Variants in ATF7IP observed in about 807,000 individuals in gnomAD.
ATF7IP encodes activating transcription factor 7 interacting protein.
Under a neutral mutation model 106.4 loss-of-function variants are expected in ATF7IP, and 23 were observed. The ratio of observed to expected loss-of-function variants is 0.22; its 90% CI spans 0.16 to 0.31. The LOEUF is 0.31. Among genes scored for constraint, ATF7IP ranks in the 10% least tolerant of loss-of-function variants. The pLI is 1.00. For missense variants in ATF7IP, 1,334 were observed against 1,524.3 expected, an observed-to-expected ratio of 0.88 and a Z score of 2.08; for synonymous variants, 542 against 539.0, an observed-to-expected ratio of 1.01 and a Z score of -0.08.
At chr12:14,435,352 A>G (rs1942356887) in intron 3 of ATF7IP, among the ~76,000 whole-genome samples, 1 of 152,178 alleles carries the variant, frequency 6.6e-6, no homozygotes, top group Non-Finnish European at 1.5e-5. Flanking sequence ...GAGTGGATTT[A>G]CAAGTAGGCA....
chr12:14,455,816 A>G (rs1361120934), intron 6 of ATF7IP, among the ~76,000 whole-genome samples: 1 of 151,910 alleles, frequency 6.6e-6, no homozygotes, highest in African/African-American at 2.4e-5. Context: ...GTAACTCCTG[A>G]GCTCAAGCAA....
chr12:14,370,227 C>T (rs1938478521), intron 1 of ATF7IP, among the ~76,000 whole-genome samples: 3 of 152,212 alleles, frequency 2.0e-5, no homozygotes, highest in South Asian at 2.1e-4. Context: ...TGAGCCACTG[C>T]GCCTGGCCTC....
Position 14,423,975 on chromosome 12 carries a change from G to C in ATF7IP, c.60G>C (p.Val20=). The stretch of plus-strand genomic sequence containing the variant: ...TTAAGGCTCGAAAAACGATGAGAGT[G>C]AGTGATCGTCAGCAACTTGAAGCAG... ...KVFKARKTMR[V]SDRQQLEAVY... is the part of the protein sequence containing the mutation. The change falls in exon 2 of 15, where the codon GTG becomes GTC. Residue 20 remains valine (V), a synonymous_variant. Coordinates refer to ENST00000261168, the MANE Select transcript of ATF7IP (RefSeq NM_018179.5). The C allele has an allele frequency of 6.2e-7, 1 of 1,614,028 alleles. No homozygotes were observed. Among genetic ancestry groups the C allele is most frequent in the South Asian group, 1.1e-5 (1 of 91,046 alleles).
chr12:14,407,609 G>C (rs1298712815), intron 1 of ATF7IP, among the ~76,000 whole-genome samples: 1 of 152,086 alleles, frequency 6.6e-6, no homozygotes, highest in Non-Finnish European at 1.5e-5. Flanking sequence ...TCTGGGTAAA[G>C]GAGTAAGAAA....
intron 1 of ATF7IP, among the ~76,000 whole-genome samples, chr12:14,384,856 A>G (rs1591766870): frequency 7.9e-6 from 1 of 127,376 alleles, no homozygotes; most frequent in East Asian, 2.4e-4. Flanking sequence ...TCTTTTCATG[A>G]TAAAACTATA....
chr12:14,412,035 A>G (rs984789924), intron 1 of ATF7IP, among the ~76,000 whole-genome samples: 3 of 152,162 alleles, frequency 2.0e-5, no homozygotes, highest in African/African-American at 7.2e-5. Context: ...TCTTTGTTCA[A>G]AATACTATTC....
chr12:14,463,945 G>A (rs1379175408), intron 9 of ATF7IP, among the ~76,000 whole-genome samples: 1 of 152,102 alleles, frequency 6.6e-6, no homozygotes, highest in African/African-American at 2.4e-5. Context: ...AACAGATTTG[G>A]GGGAAAGTTA....
chr12:14,427,061 A>G (rs1941891615), intron 2 of ATF7IP, among the ~76,000 whole-genome samples: 1 of 152,054 alleles, frequency 6.6e-6, no homozygotes. Flanking sequence ...TTATTAGAGC[A>G]CCAGATGTAT....
chr12:14,401,809 G>C (rs1169494421), intron 1 of ATF7IP, among the ~76,000 whole-genome samples: 1 of 148,442 alleles, frequency 6.7e-6, no homozygotes, highest in Non-Finnish European at 1.5e-5. Context: ...CACCTCCTGG[G>C]TTCAAGCAGT....
chr12:14,452,666 T>C (rs940428257), intron 6 of ATF7IP, among the ~76,000 whole-genome samples: 2 of 152,338 alleles, frequency 1.3e-5, no homozygotes, highest in Middle Eastern at 6.8e-3. Flanking sequence ...TCACATCTTT[T>C]TATGTTGTGT....
At chr12:14,367,061 C>G (rs1420802219) in intron 1 of ATF7IP, among the ~76,000 whole-genome samples, 1 of 152,078 alleles carries the variant, frequency 6.6e-6, no homozygotes, top group Non-Finnish European at 1.5e-5. Flanking sequence ...ATGATTCTCC[C>G]GTTGTGCAAA....
At chr12:14,471,910 TACCTGTGTG>T (rs890769980) in intron 10 of ATF7IP, among the ~76,000 whole-genome samples, 6 of 152,210 alleles carry the variant, frequency 3.9e-5, no homozygotes, top group Non-Finnish European at 1.5e-5. Flanking sequence ...TTTTCTAAGT[TACCTGTGTG>T]TATAGAGTTT....
At chr12:14,476,648 C>G (rs900687189) in intron 11 of ATF7IP, among the ~76,000 whole-genome samples, 2 of 152,000 alleles carry the variant, frequency 1.3e-5, no homozygotes, top group Non-Finnish European at 2.9e-5. Context: ...GGAGTAAAAT[C>G]CAGCTCTTCT....
intron 1 of ATF7IP, among the ~76,000 whole-genome samples, chr12:14,370,109 G>C (rs1004953552): frequency 1.3e-5 from 2 of 152,022 alleles, no homozygotes; most frequent in Non-Finnish European, 2.9e-5. Context: ...GGCTAATTTT[G>C]TATTTTTAGT....
rs139542725 is a variant in ATF7IP, at chr12:14,501,394, T to C, written c.*3321T>C. 1.9e-4 allele frequency: 29 copies of C among 152,352 alleles called. No individual in the cohort carries two copies. The highest frequency in any genetic ancestry group is 5.2e-4 in the Admixed American group (8 of 15,300). 9.4% of individuals were successfully genotyped at this position (152,352 alleles called of 1,614,324 possible). A position where few individuals can be genotyped will look rare whatever the true frequency, so the allele number is the denominator to read the frequency against. On this transcript the variant is annotated 3_prime_UTR_variant, in exon 15 of 15. Coordinates refer to ENST00000261168, the MANE Select transcript of ATF7IP (RefSeq NM_018179.5). ...GGTAATGGTGATGTTTATTATTCTA[T>C]ACTTTGCATTCTGTGAGAGTAATTT...
At chr12:14,483,855 A>G (rs1432313991) in intron 13 of ATF7IP, among the ~76,000 whole-genome samples, 1 of 152,118 alleles carries the variant, frequency 6.6e-6, no homozygotes, top group Non-Finnish European at 1.5e-5. Flanking sequence ...TTCCATGAGA[A>G]CGAGCCCACT....
At chr12:14,481,275 C>G in intron 13 of ATF7IP, 90 bp downstream of exon 13, 2 of 1,331,810 alleles carry the variant, frequency 1.5e-6, no homozygotes, top group South Asian at 1.3e-5. Context: ...TTAAATTTTG[C>G]AAAAATTTCT....
In ATF7IP at chr12:14,424,316, C is replaced by T. The variant is rs769845458; in HGVS notation, c.401C>T (p.Pro134Leu). 1.9e-5 allele frequency: 31 copies of T among 1,614,188 alleles called. No individual in the cohort carries two copies. The East Asian group carries it at 6.7e-4, about 35-fold the overall frequency. Residue 134 changes from proline (P) to leucine (L), a missense_variant, in exon 2 of 15, where the codon CCA becomes CTA. This residue lies in a region of ATF7IP where 438 missense variants were observed against 405.3 expected (regional missense o/e 1.08). Coordinates refer to ENST00000261168, the MANE Select transcript of ATF7IP (RefSeq NM_018179.5). The stretch of plus-strand genomic sequence containing the variant: ...CCTGCTGAACCAGTTTCTGGTGATC[C>T]AGCCCCTGGTGATCTGGATGCCGGA... ...KLPAEPVSGDPAPGDLDAGDP... is the reference protein window; with the variant it reads ...KLPAEPVSGDLAPGDLDAGDP...
chr12:14,369,122 T>C (rs1367737378), intron 1 of ATF7IP: 4 of 150,802 alleles, frequency 2.7e-5, no homozygotes, highest in African/African-American at 7.3e-5. Flanking sequence ...TTTTTTCTTT[T>C]TTTTTTTTTT....
Sources: allele counts gnomAD v4.1 joint callset (sites outside exome capture counted in the v4.1 genomes callset), GRCh38; gene constraint gnomAD v4.1.1; regional missense constraint gnomAD v4.1.1; transcripts MANE v1.5; gene names NCBI Gene and HGNC (gene_info 2026-07-23, HGNC 2026-07-21).